VPS39: variants seen among roughly 807,000 people sequenced by gnomAD.
VPS39 encodes the protein VPS39 subunit of HOPS complex, also known as vam6/Vps39-like protein.
A neutral mutation model predicts 121.0 loss-of-function variants in VPS39; 70 were observed. That is an observed-to-expected ratio of 0.58 (90% CI 0.48 to 0.71). The LOEUF is 0.71. VPS39 is among the 30% of genes least tolerant of loss of function. VPS39 has a pLI of 0.00. For missense variants in VPS39, 818 were observed against 1,051.5 expected (o/e 0.78, Z 3.07); for synonymous variants, 378 against 398.1 (o/e 0.95, Z 0.60).
intron 8 of VPS39, among the ~76,000 whole-genome samples, chr15:42,182,472 G>A (rs1033171118): frequency 1.3e-5 from 2 of 152,212 alleles, no homozygotes; most frequent in Admixed American, 6.5e-5. Context: ...ACTGGCTGGT[G>A]TACAGCAGGC....
intron 20 of VPS39, 106 bp from the exon 21 acceptor site, chr15:42,163,501 G>A (rs534437977): frequency 4.1e-5 from 64 of 1,553,350 alleles, no homozygotes; most frequent in African/African-American, 2.4e-4. Flanking sequence ...CCAAAACTGC[G>A]GGCCAGGACG....
intron 24 of VPS39, 191 bp downstream of exon 24, chr15:42,161,491 T>C (rs2049124751): frequency 2.8e-6 from 2 of 725,746 alleles, no homozygotes; most frequent in Non-Finnish European, 5.0e-6. Flanking sequence ...TGCAGGTCTT[T>C]AAATTCTCGA....
chr15:42,198,346 C>T (rs557894320), intron 2 of VPS39, among the ~76,000 whole-genome samples: 2 of 152,244 alleles, frequency 1.3e-5, no homozygotes, highest in South Asian at 2.1e-4. Flanking sequence ...TATTTTGGCT[C>T]CGAGAACTAA....
At chr15:42,204,434 C>T (rs2050128150) in intron 1 of VPS39, among the ~76,000 whole-genome samples, 1 of 152,084 alleles carries the variant, frequency 6.6e-6, no homozygotes, top group Admixed American at 6.6e-5. Flanking sequence ...CGGATCACCT[C>T]AGGTCAGGCG....
intron 11 of VPS39, 56 bp from the exon 12 acceptor site, chr15:42,169,922 A>C (rs1595648221): frequency 6.4e-7 from 1 of 1,560,836 alleles, no homozygotes; most frequent in Non-Finnish European, 8.7e-7. Context: ...TTTAGGGATA[A>C]AATAAAACAG....
chr15:42,167,696 C>T (rs761351434), intron 12 of VPS39, among the ~76,000 whole-genome samples, 159 bp from the exon 13 acceptor site: 2 of 152,150 alleles, frequency 1.3e-5, no homozygotes, highest in African/African-American at 2.4e-5. Context: ...ACAGAGACAA[C>T]AACAATTATT....
At chr15:42,203,239 C>T (rs1029340966) in intron 1 of VPS39, among the ~76,000 whole-genome samples, 4 of 151,824 alleles carry the variant, frequency 2.6e-5, no homozygotes, top group Admixed American at 6.6e-5. Context: ...AAGGCCAAGG[C>T]GGGCAGATCA....
Position 42,166,905 on chromosome 15 carries a change from C to T in VPS39, c.1386G>A (p.Val462=), listed in dbSNP as rs2049254730. The T allele has an allele frequency of 1.2e-6, 2 of 1,614,198 alleles. No individual in the cohort carries two copies. The highest frequency in any genetic ancestry group is 1.7e-6 in the Non-Finnish European group (2 of 1,180,038). The change falls in exon 14 of 25, where the codon GTG becomes GTA. Residue 462 remains valine, a synonymous_variant. Transcript: ENST00000318006. Reference sequence around the variant, plus strand: ...GGCGTAGCAAGGGGGCCACCAGGGCCACATTTGTCTGCAGAAAGAGCAGGA... The same window carrying T: ...GGCGTAGCAAGGGGGCCACCAGGGCTACATTTGTCTGCAGAAAGAGCAGGA... The part of the protein sequence containing the change: ...TLLKCYLHTN[V]ALVAPLLRLE...
chr15:42,194,805 C>G (rs972046357), intron 2 of VPS39, among the ~76,000 whole-genome samples: 32 of 152,012 alleles, frequency 2.1e-4, no homozygotes, highest in Middle Eastern at 3.4e-3. Flanking sequence ...CAGCTTGGTA[C>G]CACTGTTTTT....
At chr15:42,191,705 A>G in intron 2 of VPS39, 145 bp from the exon 3 acceptor site, 1 of 721,714 alleles carries the variant, frequency 1.4e-6, no homozygotes, top group Non-Finnish European at 2.3e-6. Context: ...CTAAATAGCC[A>G]GCTCTCTTAC....
intron 2 of VPS39, among the ~76,000 whole-genome samples, chr15:42,195,507 A>G (rs2049918716): frequency 6.6e-6 from 1 of 152,238 alleles, no homozygotes; most frequent in South Asian, 2.1e-4. Context: ...AAAAACCACA[A>G]GCATTCTTAT....
chr15:42,177,488 A>C (rs2049479149), intron 10 of VPS39, among the ~76,000 whole-genome samples: 2 of 152,290 alleles, frequency 1.3e-5, no homozygotes, highest in South Asian at 4.1e-4. Context: ...ATCAAAAGAA[A>C]GCCTACTTAT....
intron 1 of VPS39, 149 bp from the exon 2 acceptor site, chr15:42,200,110 T>C (rs2050036600): frequency 1.4e-6 from 1 of 712,122 alleles, no homozygotes; most frequent in South Asian, 2.5e-5. Context: ...TGATAGGAGG[T>C]GTTTTGCAAA....
chr15:42,180,924 G>A (rs1236067899), intron 8 of VPS39, among the ~76,000 whole-genome samples: 1 of 152,168 alleles, frequency 6.6e-6, no homozygotes, highest in Non-Finnish European at 1.5e-5. Context: ...TGGTGGGACT[G>A]TAAAATGGTG....
At chr15:42,165,857 A>T (rs948285144) in intron 16 of VPS39, 41 bp from the exon 17 acceptor site, 5 of 1,572,592 alleles carry the variant, frequency 3.2e-6, no homozygotes, top group Non-Finnish European at 4.4e-6. Context: ...GAACCATCTG[A>T]CTGCAGTTCC....
chr15:42,205,969 T>C (rs372557953), intron 1 of VPS39, among the ~76,000 whole-genome samples: 6 of 152,070 alleles, frequency 3.9e-5, no homozygotes, highest in Admixed American at 6.5e-5. Context: ...AAGAGGTAAA[T>C]AGAAATGCCA....
chr15:42,166,775 T>C lies in VPS39; in HGVS notation c.1516A>G (p.Lys506Glu). 1 of 1,614,060 alleles carries C rather than the reference T, an allele frequency of 6.2e-7. No homozygotes were observed. Among genetic ancestry groups the C allele is most frequent in the Non-Finnish European group, 8.5e-7 (1 of 1,179,916 alleles). Residue 506 changes from lysine (K) to glutamate (E), a missense_variant, in exon 14 of 25, where the codon AAA (lysine) becomes GAA (glutamate). Physicochemically the swap from Lys to Glu is moderately conservative, Grantham distance 56 (BLOSUM62 1). Transcript: ENST00000318006. ...ATCCAAGGAACCACTCCCACACCTT[T>C]CTCGTGGAGCCCCTTCTTCTCATAC... ...ILYEKKGLHE[K>E]ALQVLVDQSK... is the part of the protein sequence containing the mutation.
At chr15:42,182,753 C>A (rs78065362) in intron 8 of VPS39, among the ~76,000 whole-genome samples, 1,584 of 152,262 alleles carry the variant, frequency 0.01, 30 homozygotes, top group African/African-American at 0.036. Context: ...AGGGCAAGTG[C>A]CTCAAAACTT....
At chr15:42,188,500 A>G (rs1322021991) in intron 5 of VPS39, among the ~76,000 whole-genome samples, 1 of 152,236 alleles carries the variant, frequency 6.6e-6, no homozygotes, top group Non-Finnish European at 1.5e-5. Flanking sequence ...AATTATCTTC[A>G]TGATATTGTT....
Sources: gnomAD v4.1 joint callset for allele counts (sites outside exome capture counted in the v4.1 genomes callset) on GRCh38, gnomAD v4.1.1 for gene constraint, MANE v1.5 for transcripts, NCBI Gene and HGNC (gene_info 2026-07-23, HGNC 2026-07-21) for gene names.